The following ZNF749 variants were observed in gnomAD, a reference collection of about 807,000 sequenced individuals.
The protein encoded by ZNF749 is zinc finger protein 749.
In ZNF749, 8 loss-of-function variants were observed where a neutral mutation model predicts 7.3. That is an observed-to-expected ratio of 1.10 (90% CI 0.64 to 1.98). The LOEUF (loss-of-function observed/expected upper bound fraction) is 1.98, where lower values mean the gene tolerates loss of function less well. Among genes scored for constraint, ZNF749 ranks in the 30% most tolerant of loss-of-function variants. The pLI, the probability that ZNF749 is intolerant of heterozygous loss-of-function variation, is 0.00. For synonymous variants in ZNF749, 310 were observed against 322.4 expected (o/e 0.96, Z 0.41); for missense variants, 898 against 932.4 (o/e 0.96, Z 0.48).
Position 57,441,495 on chromosome 19 carries a change from C to T in ZNF749, c.16-390C>T, listed in dbSNP as rs147424110. On this transcript the variant is annotated intron_variant, in intron 1 of 2. Coordinates refer to ENST00000334181, the MANE Select transcript of ZNF749 (RefSeq NM_001023561.4). ...GGGAATGCCGTGCTGCACCAGGCCA[C>T]GGGAAATACTAGATTTGGTTAGGAG... Among the ~76,000 whole-genome samples, 103 of 152,012 alleles carry T rather than the reference C, an allele frequency of 6.8e-4. 1 individual carries two copies. Among genetic ancestry groups the T allele is most frequent in the Admixed American group, 1.3e-3 (20 of 15,268 alleles).
upstream of ZNF749, among the ~76,000 whole-genome samples, chr19:57,435,120 T>C (rs1367880222): frequency 6.7e-6 from 1 of 149,148 alleles, no homozygotes; most frequent in Non-Finnish European, 1.5e-5. Flanking sequence ...AGCCTCCAGC[T>C]TTTTTCCGTA....
In ZNF749 at chr19:57,445,008, C is replaced by G. The variant is rs764288642; in HGVS notation, c.1860C>G (p.Phe620Leu). 2 of 1,614,056 alleles carry G rather than the reference C, an allele frequency of 1.2e-6. No individual in the cohort carries two copies. Among genetic ancestry groups the G allele is most frequent in the Non-Finnish European group, 1.7e-6 (2 of 1,179,992 alleles). ...ATAAATGCAGCAAATGTGGGAAATT[C>G]TTTAGATATCGCTGTACACTGAGTA... ...KPYKCSKCGK[F>L]FRYRCTLSRH... Residue 620 changes from phenylalanine (F) to leucine (L), a missense_variant, in exon 3 of 3, where the codon TTC becomes TTG. By Grantham distance (22) the Phe-to-Leu change is conservative (BLOSUM62 0). Coordinates refer to ENST00000334181, the MANE Select transcript of ZNF749 (RefSeq NM_001023561.4).
Position 57,444,752 on chromosome 19 carries a change from A to G in ZNF749, c.1604A>G (p.Asp535Gly). 1 of 1,613,494 alleles carries G rather than the reference A, an allele frequency of 6.2e-7. No individual in the cohort carries two copies. Among genetic ancestry groups the G allele is most frequent in the Non-Finnish European group, 8.5e-7 (1 of 1,179,820 alleles). The change falls in exon 3 of 3, where the codon GAT (aspartate) becomes GGT (glycine). Residue 535 changes from aspartate to glycine, a missense_variant. Physicochemically the swap from Asp to Gly is moderately conservative, Grantham distance 94 (BLOSUM62 -1). Transcript: ENST00000334181. The part of the protein sequence containing the change: ...HLVQHEKIHT[D>G]AFSKRSDLIQ... ...GTTCAGCATGAGAAAATCCACACTG[A>G]TGCATTTTCAAAAAGGTCTGACCTC...
At position 57,445,444 on chromosome 19, in the gene ZNF749, C is replaced by T. The variant is rs747274205; in HGVS notation, c.2296C>T (p.Leu766Phe). ...CAAAGTGTTTAAATACAACTCCAGC[C>T]TCATTAAACATCAGATAATTCATAC... ...SSKVFKYNSS[L>F]IKHQIIHTGK... Residue 766 changes from leucine (L) to phenylalanine (F), a missense_variant, in exon 3 of 3, where the codon CTC becomes TTC. Physicochemically the swap from Leu to Phe is conservative, Grantham distance 22. Coordinates refer to ENST00000334181, the MANE Select transcript of ZNF749 (RefSeq NM_001023561.4). The T allele has an allele frequency of 1.9e-6, 3 of 1,612,926 alleles. No individual in the cohort carries two copies. The highest frequency in any genetic ancestry group is 3.3e-5 in the Admixed American group (2 of 59,876).
chr19:57,435,808 C>T (rs1477147530), intron 1 of ZNF749: 1 of 998,164 alleles, frequency 1.0e-6, no homozygotes, highest in Non-Finnish European at 1.4e-6. Flanking sequence ...ACGGGCGGCA[C>T]TGGGGAGCCC....
At chr19:57,435,629 C>T (rs2088927627) in intron 1 of ZNF749, 36 bp downstream of exon 1, 1 of 1,596,646 alleles carries the variant, frequency 6.3e-7, no homozygotes, top group Non-Finnish European at 8.5e-7. Context: ...CGCCCAACCC[C>T]TCCTCCCAGT....
intron 1 of ZNF749, 151 bp from the exon 2 acceptor site, chr19:57,441,734 C>A: frequency 1.2e-6 from 1 of 866,566 alleles, no homozygotes. Flanking sequence ...GATAGTGGTT[C>A]AGCATATGGG....
rs1241602821 is a variant in ZNF749, at chr19:57,446,183, C to T, written c.*698C>T. ...GCCAGCATCACTACCTGAGCTTCAC[C>T]TCCTGTCAGATGAGCAGCATTAGAT... On this transcript the variant is annotated 3_prime_UTR_variant, in exon 3 of 3. Coordinates refer to ENST00000334181, the MANE Select transcript of ZNF749 (RefSeq NM_001023561.4). Among the ~76,000 whole-genome samples, 4 of 152,184 alleles carry T rather than the reference C, an allele frequency of 2.6e-5. No individual in the cohort carries two copies. Among genetic ancestry groups the T allele is most frequent in the Non-Finnish European group, 4.4e-5 (3 of 68,036 alleles).
chr19:57,437,615 T>A lies in ZNF749; in HGVS notation c.15+2022T>A, dbSNP rs7250450. 2.5e-3 allele frequency among the ~76,000 whole-genome samples: 375 copies of A among 151,724 alleles called. 1 individual carries two copies. Among genetic ancestry groups the A allele is most frequent in the African/African-American group, 8.5e-3 (352 of 41,370 alleles). ...GGCGGGCGCCTGTAATCCCAGCTAC[T>A]TAGGAGGCTGAGGCAGGAGAATCGT... On this transcript the variant is annotated intron_variant, in intron 1 of 2. Coordinates refer to ENST00000334181, the MANE Select transcript of ZNF749 (RefSeq NM_001023561.4).
In ZNF749 at chr19:57,445,575, A is replaced by T; in HGVS notation, c.*90A>T. The T allele has an allele frequency of 6.6e-7, 1 of 1,504,132 alleles. No individual in the cohort carries two copies. The highest frequency in any genetic ancestry group is 8.9e-7 in the Non-Finnish European group (1 of 1,129,238). The allele number at this position is 1,504,132 out of a possible 1,614,324, so 93.2% of individuals were successfully genotyped here. A position where few individuals can be genotyped will look rare whatever the true frequency, so the allele number is the denominator to read the frequency against. Reference sequence around the variant, plus strand: ...ACCAAGAACCTATTAATATATGTAAATCTAATGTTGAAAGAGTTCAGATGG... The same window carrying T: ...ACCAAGAACCTATTAATATATGTAATTCTAATGTTGAAAGAGTTCAGATGG... On this transcript the variant is annotated 3_prime_UTR_variant, in exon 3 of 3. Transcript: ENST00000334181.
At chr19:57,437,657 G>A (rs2088948162) in intron 1 of ZNF749, among the ~76,000 whole-genome samples, 1 of 151,250 alleles carries the variant, frequency 6.6e-6, no homozygotes, top group Non-Finnish European at 1.5e-5. Flanking sequence ...CCGGGAGGTG[G>A]AGGTTCCAGT....
In ZNF749 at chr19:57,443,907, G is replaced by A; in HGVS notation, c.759G>A (p.Glu253=). ...ATCATGCTGGAGAAAGGCCTTATGA[G>A]GGCACTGAATATGGAAAGACCTTTA... ...QQNHAGERPY[E]GTEYGKTFIR... Residue 253 remains glutamate, a synonymous_variant, in exon 3 of 3, where the codon GAG becomes GAA. Coordinates refer to ENST00000334181, the MANE Select transcript of ZNF749 (RefSeq NM_001023561.4). The A allele has an allele frequency of 6.2e-7, 1 of 1,613,624 alleles. No homozygotes were observed. Among genetic ancestry groups the A allele is most frequent in the Non-Finnish European group, 8.5e-7 (1 of 1,179,802 alleles).
At chr19:57,430,865 C>A (rs980905331), upstream of ZNF749, among the ~76,000 whole-genome samples, 1 of 151,890 alleles carries the variant, frequency 6.6e-6, no homozygotes, top group African/African-American at 2.4e-5. Context: ...CATGGTGAAA[C>A]CCCGTCTTTA....
At chr19:57,437,826 T>C in intron 1 of ZNF749, 1 of 371,084 alleles carries the variant, frequency 2.7e-6, no homozygotes, top group Non-Finnish European at 4.8e-6. Flanking sequence ...AAGTAATGCT[T>C]ATACATAGTG....
rs986312399 is a variant in ZNF749 at position 57,444,185 on chromosome 19, A to G, written c.1037A>G (p.Lys346Arg). ...MYNSKLIRHQ[K>R]VHTGERRYEC... is the part of the protein sequence containing the mutation. The stretch of plus-strand genomic sequence containing the variant: ...AACTCCAAACTCATCAGACATCAGA[A>G]AGTTCACACTGGGGAGAGGCGTTAC... The change falls in exon 3 of 3, where the codon AAA becomes AGA. Residue 346 changes from lysine to arginine, a missense_variant. Physicochemically the swap from Lys to Arg is conservative, Grantham distance 26. Coordinates refer to ENST00000334181, the MANE Select transcript of ZNF749 (RefSeq NM_001023561.4). 6.2e-7 allele frequency: 1 copy of G among 1,614,126 alleles called. No homozygotes were observed. Among genetic ancestry groups the G allele is most frequent in the South Asian group, 1.1e-5 (1 of 91,074 alleles).
chr19:57,443,164 C>A (rs909055512), intron 2 of ZNF749, 127 bp from the exon 3 acceptor site: 1 of 771,044 alleles, frequency 1.3e-6, no homozygotes, highest in Non-Finnish European at 2.1e-6. Context: ...CTCTCACTGG[C>A]CTTATTTCCT....
At position 57,445,460 on chromosome 19, in the gene ZNF749, T is replaced by G. The variant is rs7246856; in HGVS notation, c.2312T>G (p.Ile771Arg). ...KYNSSLIKHQIIHTGKRP is the reference protein window; with the variant it reads ...KYNSSLIKHQRIHTGKRP ...AACTCCAGCCTCATTAAACATCAGA[T>G]AATTCATACTGGAAAAAGGCCTTAG... Residue 771 changes from isoleucine to arginine, a missense_variant, in exon 3 of 3, where the codon ATA becomes AGA. Coordinates refer to ENST00000334181, the MANE Select transcript of ZNF749 (RefSeq NM_001023561.4). 1,019,030 of 1,610,410 alleles carry G rather than the reference T, an allele frequency of 0.63. 324,806 individuals are homozygous for G. The highest frequency in any genetic ancestry group is 0.76 in the South Asian group (69,041 of 90,488).
rs905894114 is a variant in ZNF749 at position 57,436,813 on chromosome 19, G to A, written c.15+1220G>A. ...CCATCCTACAACTCATTAACTTAGG[G>A]ATGTAAAAACAGGTAATTGACTTAA... On this transcript the variant is annotated intron_variant, in intron 1 of 2. Coordinates refer to ENST00000334181, the MANE Select transcript of ZNF749 (RefSeq NM_001023561.4). This position sits in a 1 kb window ranked among gnomAD's most constrained non-coding sequence, Gnocchi z 4.0. Among the ~76,000 whole-genome samples the A allele has an allele frequency of 6.6e-5, 10 of 152,184 alleles. No individual in the cohort carries two copies. The highest frequency in any genetic ancestry group is 2.4e-4 in the African/African-American group (10 of 41,454).
At chr19:57,429,001 T>G in the ZNF749 span, among the ~76,000 whole-genome samples, 2 of 152,210 alleles carry the variant, frequency 1.3e-5, no homozygotes, top group African/African-American at 4.8e-5. This position sits in a 1 kb window ranked among gnomAD's most constrained non-coding sequence, Gnocchi z 4.2. Context: ...ATATTTTCTT[T>G]ATCCAGTCAT....
Sources: gnomAD v4.1 joint callset for allele counts (sites outside exome capture counted in the v4.1 genomes callset) on GRCh38, gnomAD v4.1.1 for gene constraint, Gnocchi (gnomAD v3.1) non-coding constraint, MANE v1.5 for transcripts, NCBI Gene and HGNC (gene_info 2026-07-23, HGNC 2026-07-21) for gene names.